The following ELAVL2 variants were observed in gnomAD, a reference collection of about 807,000 sequenced individuals.
ELAVL2 encodes the protein ELAV like RNA binding protein 2.
ELAVL2 carries 4 observed loss-of-function variants against 34.6 expected under a neutral mutation model. That is an observed-to-expected ratio of 0.12 (90% CI 0.06 to 0.26). ELAVL2 has a LOEUF of 0.26. ELAVL2 is among the 10% of genes least tolerant of loss of function. The pLI is 1.00. For synonymous variants in ELAVL2, 193 were observed against 154.8 expected (o/e 1.25, Z -1.83); for missense variants, 432 against 442.8 (o/e 0.98, Z 0.22).
At chr9:23,748,263 CTGAT>C (rs1220747674) in intron 2 of ELAVL2, among the ~76,000 whole-genome samples, 3 of 152,170 alleles carry the variant, frequency 2.0e-5, no homozygotes, top group Admixed American at 1.3e-4. Context: ...CTCTTTGACT[CTGAT>C]TGAGGAATGG....
chr9:23,769,176 A>G (rs776305280), intron 1 of ELAVL2, among the ~76,000 whole-genome samples: 1 of 152,172 alleles, frequency 6.6e-6, no homozygotes, highest in East Asian at 1.9e-4. Flanking sequence ...ATTTGTCTCT[A>G]AAGTTTTAGA....
intron 1 of ELAVL2, among the ~76,000 whole-genome samples, chr9:23,825,213 T>C (rs565385780): frequency 6.6e-6 from 1 of 152,288 alleles, no homozygotes; most frequent in African/African-American, 2.4e-5. Flanking sequence ...CTAACAACCC[T>C]AGCCTCAGCC....
the ELAVL2 span, among the ~76,000 whole-genome samples, chr9:23,844,913 T>G: frequency 6.6e-6 from 1 of 151,978 alleles, no homozygotes; most frequent in South Asian, 2.1e-4. Context: ...GTGCATAGCT[T>G]GAAGGATTCC....
At chr9:23,832,478 A>G in the ELAVL2 span, among the ~76,000 whole-genome samples, 1 of 152,148 alleles carries the variant, frequency 6.6e-6, no homozygotes, top group African/African-American at 2.4e-5. Flanking sequence ...TTTTTTCACA[A>G]ATATTTAATA....
chr9:23,759,546 G>C (rs1006963498), intron 2 of ELAVL2, among the ~76,000 whole-genome samples: 1 of 151,544 alleles, frequency 6.6e-6, no homozygotes, highest in Non-Finnish European at 1.5e-5. Context: ...AGCTAGAAGA[G>C]AGGATTTTGA....
intron 2 of ELAVL2, among the ~76,000 whole-genome samples, chr9:23,744,811 CATT>C (rs1159754257): frequency 6.6e-6 from 1 of 152,044 alleles, no homozygotes; most frequent in Non-Finnish European, 1.5e-5. Context: ...ACTTTTACCT[CATT>C]ATTCCCTACA....
At chr9:23,747,332 T>G (rs2050751247) in intron 2 of ELAVL2, among the ~76,000 whole-genome samples, 1 of 152,144 alleles carries the variant, frequency 6.6e-6, no homozygotes, top group African/African-American at 2.4e-5. Flanking sequence ...GGATTGTTTA[T>G]TTCTGGGATT....
chr9:23,841,246 C>T, the ELAVL2 span, among the ~76,000 whole-genome samples: 1 of 152,040 alleles, frequency 6.6e-6, no homozygotes, highest in Non-Finnish European at 1.5e-5. Flanking sequence ...GGTGAGGAAA[C>T]CAATCAAGAT....
intron 1 of ELAVL2, among the ~76,000 whole-genome samples, chr9:23,786,824 C>T (rs1035240418): frequency 1.4e-5 from 2 of 147,960 alleles, no homozygotes; most frequent in Non-Finnish European, 3.0e-5. Context: ...GAAAGGAAAG[C>T]CTTTTAAAAA....
the ELAVL2 span, among the ~76,000 whole-genome samples, chr9:23,846,493 A>G: frequency 6.6e-6 from 1 of 152,042 alleles, no homozygotes; most frequent in Non-Finnish European, 1.5e-5. Context: ...TAAGATTTTT[A>G]AAATCACTCT....
At chr9:23,700,811 A>C (rs2036929866) in intron 5 of ELAVL2, among the ~76,000 whole-genome samples, 1 of 152,176 alleles carries the variant, frequency 6.6e-6, no homozygotes, top group African/African-American at 2.4e-5. Context: ...TTAATGGTGC[A>C]CATACTATAA....
intron 1 of ELAVL2, among the ~76,000 whole-genome samples, chr9:23,792,308 G>T (rs996582071): frequency 6.6e-6 from 1 of 152,056 alleles, no homozygotes; most frequent in African/African-American, 2.4e-5. Flanking sequence ...CTTAAAGATG[G>T]GTTTATCAGG....
chr9:23,731,266 A>G, intron 2 of ELAVL2, 141 bp from the exon 3 acceptor site: 1 of 626,634 alleles, frequency 1.6e-6, no homozygotes, highest in South Asian at 3.2e-5. Flanking sequence ...AATTCTAGAA[A>G]TATACATGAA....
At chr9:23,781,692 C>CT (rs931294862) in intron 1 of ELAVL2, among the ~76,000 whole-genome samples, 3 of 151,218 alleles carry the variant, frequency 2.0e-5, no homozygotes, top group African/African-American at 7.3e-5. Flanking sequence ...TTTTTTAAAT[C>CT]TTTTTTTGTT....
At chr9:23,718,634 G>A (rs1370395650) in intron 3 of ELAVL2, among the ~76,000 whole-genome samples, 1 of 152,162 alleles carries the variant, frequency 6.6e-6, no homozygotes, top group Non-Finnish European at 1.5e-5. Context: ...CCTCCCCACA[G>A]AGCCAAAGGA....
chr9:23,768,443 C>CTT lies in ELAVL2; in HGVS notation c.-15-6196_-15-6195dup, dbSNP rs527710583. ...CCCTAAATGTGTACAAACTAGGTAA[C>CTT]TTTTTTTTTTTTTTTTACTTTTTAC... On this transcript the variant is annotated intron_variant, in intron 1 of 6. Coordinates refer to ENST00000397312, the MANE Select transcript of ELAVL2 (RefSeq NM_004432.5). Among the ~76,000 whole-genome samples, 479 of 140,164 alleles carry CTT rather than the reference C, an allele frequency of 3.4e-3. 13 individuals are homozygous for CTT. In the East Asian group the frequency reaches 0.062, roughly 18 times the overall value. The allele number at this position is 140,164 out of a possible 152,430, so 92.0% of individuals were successfully genotyped here.
At chr9:23,724,439 C>CA (rs140923647) in intron 3 of ELAVL2, among the ~76,000 whole-genome samples, 5,412 of 152,240 alleles carry the variant, frequency 0.036, 332 homozygotes, top group African/African-American at 0.12. Flanking sequence ...GGCCTGAGGA[C>CA]AGGACATTCA....
chr9:23,765,011 C>T (rs777529292), intron 1 of ELAVL2: 34 of 1,608,656 alleles, frequency 2.1e-5, no homozygotes, highest in South Asian at 2.0e-4. Flanking sequence ...CCACAGACCC[C>T]GGTCCAAGGC....
intron 1 of ELAVL2, among the ~76,000 whole-genome samples, chr9:23,781,776 C>A (rs1350841573): frequency 1.3e-5 from 2 of 152,018 alleles, no homozygotes; most frequent in African/African-American, 4.8e-5. Flanking sequence ...TCACCGCAAA[C>A]TCTGCCTCCC....
Sources: gnomAD v4.1 joint callset for allele counts (sites outside exome capture counted in the v4.1 genomes callset) on GRCh38, gnomAD v4.1.1 for gene constraint, MANE v1.5 for transcripts, NCBI Gene and HGNC (gene_info 2026-07-23, HGNC 2026-07-21) for gene names.